SOCS2: variants seen among roughly 807,000 people sequenced by gnomAD.
The protein encoded by SOCS2 is CIS-2.
A neutral mutation model predicts 18.6 loss-of-function variants in SOCS2; 10 were observed. The ratio of observed to expected loss-of-function variants is 0.54; its 90% confidence interval spans 0.33 to 0.91. The LOEUF (loss-of-function observed/expected upper bound fraction) is 0.91. Among genes scored for constraint, SOCS2 ranks in the 40% least tolerant of loss-of-function variants. The pLI is 0.02. For synonymous variants in SOCS2, 104 were observed against 104.0 expected, an observed-to-expected ratio of 1.00 and a Z score of 0.00; for missense variants, 231 against 247.2, an observed-to-expected ratio of 0.93 and a Z score of 0.44.
the SOCS2 span, among the ~76,000 whole-genome samples, chr12:93,616,718 C>A: frequency 6.6e-6 from 1 of 152,090 alleles, no homozygotes; most frequent in East Asian, 1.9e-4. Flanking sequence ...GCTCCGGGGA[C>A]AAGTGGGAGG....
At chr12:93,579,156 C>T (rs1249475705), downstream of SOCS2, among the ~76,000 whole-genome samples, 4 of 152,252 alleles carry the variant, frequency 2.6e-5, no homozygotes, top group East Asian at 5.8e-4. Context: ...TGCCCGCCCT[C>T]CCATCCTTAC....
At chr12:93,614,136 C>T in the SOCS2 span, among the ~76,000 whole-genome samples, 8 of 151,896 alleles carry the variant, frequency 5.3e-5, no homozygotes, top group South Asian at 2.1e-4. Context: ...GGAAGCCACT[C>T]GCTCTCTCAA....
At chr12:93,598,968 T>C in the SOCS2 span, among the ~76,000 whole-genome samples, 3 of 152,214 alleles carry the variant, frequency 2.0e-5, no homozygotes, top group African/African-American at 7.2e-5. Flanking sequence ...TAGCTGTTTA[T>C]GAGAATTTCC....
chr12:93,578,854 A>G (rs1954500651), downstream of SOCS2, among the ~76,000 whole-genome samples: 1 of 152,174 alleles, frequency 6.6e-6, no homozygotes, highest in Non-Finnish European at 1.5e-5. Context: ...TGCAAGTCCT[A>G]CAGTTCTCTT....
chr12:93,611,976 C>T, the SOCS2 span, among the ~76,000 whole-genome samples: 5 of 152,066 alleles, frequency 3.3e-5, no homozygotes, highest in African/African-American at 1.2e-4. Context: ...CAGCCCCCAT[C>T]TACTGGTTAT....
At chr12:93,592,938 T>C in the SOCS2 span, among the ~76,000 whole-genome samples, 1 of 133,110 alleles carries the variant, frequency 7.5e-6, no homozygotes, top group South Asian at 2.3e-4. Context: ...TTTTTTTTTT[T>C]GGTATGTGTA....
the SOCS2 span, among the ~76,000 whole-genome samples, chr12:93,596,462 G>T: frequency 2.6e-5 from 4 of 152,166 alleles, no homozygotes; most frequent in African/African-American, 9.7e-5. Flanking sequence ...GGAAGTCATG[G>T]TTATATCAGA....
chr12:93,595,799 C>T, the SOCS2 span, among the ~76,000 whole-genome samples: 1 of 152,082 alleles, frequency 6.6e-6, no homozygotes, highest in South Asian at 2.1e-4. Context: ...TTATTGTAGT[C>T]TACAGAGTCA....
At chr12:93,600,018 A>G in the SOCS2 span, among the ~76,000 whole-genome samples, 1 of 152,254 alleles carries the variant, frequency 6.6e-6, no homozygotes, top group Non-Finnish European at 1.5e-5. Flanking sequence ...GTAATGCTTT[A>G]CATTTACAAT....
At chr12:93,625,984 T>C in the SOCS2 span, among the ~76,000 whole-genome samples, 1 of 151,952 alleles carries the variant, frequency 6.6e-6, no homozygotes, top group Non-Finnish European at 1.5e-5. Flanking sequence ...TCAGTAACCA[T>C]GAGAAAAAGG....
the SOCS2 span, among the ~76,000 whole-genome samples, chr12:93,596,901 A>G: frequency 2.6e-5 from 4 of 152,120 alleles, no homozygotes; most frequent in African/African-American, 9.7e-5. Context: ...CACCTACTAC[A>G]AATTGTCTTT....
the SOCS2 span, among the ~76,000 whole-genome samples, chr12:93,605,435 T>C: frequency 2.6e-5 from 4 of 152,194 alleles, no homozygotes; most frequent in Non-Finnish European, 1.5e-5. Context: ...GGCCAGGGGC[T>C]TCAACCATAC....
At chr12:93,581,754 C>T (rs533876758) in intron 1 of SOCS2, among the ~76,000 whole-genome samples, 91 of 152,166 alleles carry the variant, frequency 6.0e-4, no homozygotes, top group Admixed American at 1.8e-3. Context: ...TACTGTATTA[C>T]TCAACAGTAG....
the SOCS2 span, among the ~76,000 whole-genome samples, chr12:93,603,200 G>A: frequency 6.6e-6 from 1 of 152,180 alleles, no homozygotes. Context: ...TAGCTTCACA[G>A]ACCGTCCTGT....
In SOCS2 at chr12:93,572,972, G is replaced by A. The variant is rs1315446574; in HGVS notation, c.75G>A (p.Ser25=). 4 of 1,567,770 alleles carry A rather than the reference G, an allele frequency of 2.6e-6. No individual in the cohort carries two copies. The highest frequency in any genetic ancestry group is 3.5e-6 in the Non-Finnish European group (4 of 1,156,994). ...GTRSQWGTAG[S]AEEPSPQAAR... is the part of the protein sequence containing the mutation. ...GGAGCCAGTGGGGGACCGCGGGGTC[G>A]GCGGAGGAGCCATCCCCGCAGGCGG... The change falls in exon 1 of 2, where the codon TCG becomes TCA. Residue 25 remains serine, a synonymous_variant. Transcript: ENST00000551556. The surrounding 1 kb of genome is among the most constrained non-coding windows in gnomAD (Gnocchi z 5.0).
At chr12:93,587,406 G>A (rs1193554863), downstream of SOCS2, among the ~76,000 whole-genome samples, 1 of 152,172 alleles carries the variant, frequency 6.6e-6, no homozygotes, top group Non-Finnish European at 1.5e-5. Flanking sequence ...TGGTGGCTGG[G>A]CGCAGTGGCT....
Position 93,573,000 on chromosome 12 carries a change from C to T in SOCS2, c.103C>T (p.Arg35Cys). Reference sequence around the variant, plus strand: ...GGAGGAGCCATCCCCGCAGGCGGCGCGTCTGGCGAAGGCCCTGCGGGAGCT... The same window carrying T: ...GGAGGAGCCATCCCCGCAGGCGGCGTGTCTGGCGAAGGCCCTGCGGGAGCT... ...SAEEPSPQAA[R>C]LAKALRELGQ... The change falls in exon 1 of 2, where the codon CGT becomes TGT. Residue 35 changes from arginine to cysteine, a missense_variant. Transcript: ENST00000551556. The surrounding 1 kb of genome is among the most constrained non-coding windows in gnomAD (Gnocchi z 5.0). The T allele has an allele frequency of 6.4e-7, 1 of 1,570,580 alleles. No homozygotes were observed. The highest frequency in any genetic ancestry group is 8.6e-7 in the Non-Finnish European group (1 of 1,160,298).
At chr12:93,578,242 G>A (rs1289513404), downstream of SOCS2, among the ~76,000 whole-genome samples, 1 of 152,212 alleles carries the variant, frequency 6.6e-6, no homozygotes, top group East Asian at 1.9e-4. Context: ...ATCCAAATAG[G>A]TAACAGAATG....
the SOCS2 span, among the ~76,000 whole-genome samples, chr12:93,607,839 C>T: frequency 6.6e-6 from 1 of 152,102 alleles, no homozygotes; most frequent in South Asian, 2.1e-4. Flanking sequence ...ATACCCCTCA[C>T]TGTGTGGATT....
Sources: allele counts gnomAD v4.1 joint callset (sites outside exome capture counted in the v4.1 genomes callset), GRCh38; gene constraint gnomAD v4.1.1; non-coding constraint Gnocchi (gnomAD v3.1); transcripts MANE v1.5; gene names NCBI Gene and HGNC (gene_info 2026-07-23, HGNC 2026-07-21).